The following BEAN1 variants were observed in gnomAD, a reference collection of about 807,000 sequenced individuals.
The protein encoded by BEAN1 is protein BEAN1.
A neutral mutation model predicts 17.7 loss-of-function variants in BEAN1; 17 were observed. That is an observed-to-expected ratio of 0.96 (90% confidence interval 0.66 to 1.44). BEAN1 has a LOEUF of 1.44. Among genes scored for constraint, BEAN1 ranks in the 40% most tolerant of loss-of-function variants. BEAN1 has a pLI of 0.00. For missense variants in BEAN1, 359 were observed against 374.1 expected (o/e 0.96, Z 0.33); for synonymous variants, 142 against 151.8 (o/e 0.94, Z 0.47).
chr16:66,477,541 G>C lies in BEAN1; in HGVS notation c.290-19G>C, dbSNP rs770120139. 1 of 1,520,280 alleles carries C rather than the reference G, an allele frequency of 6.6e-7. No individual in the cohort carries two copies. The highest frequency in any genetic ancestry group is 1.4e-5 in the African/African-American group (1 of 72,300). 94.2% of individuals were successfully genotyped at this position (1,520,280 alleles called of 1,614,324 possible). ...TGGATCCTGGTCTGAGGCCCAGGCC[G>C]GTGGTCTGTTCCCTGCAGTGTCGGA... On this transcript the variant is annotated intron_variant, in intron 3 of 4. Transcript: ENST00000536005.
At chr16:66,469,897 C>T in intron 3 of BEAN1, 32 bp downstream of exon 3, 1 of 1,525,926 alleles carries the variant, frequency 6.6e-7, no homozygotes, top group Non-Finnish European at 8.8e-7. Context: ...GGCCCTGGGA[C>T]CTCATCTGAC....
chr16:66,460,080 C>G (rs1219249266), intron 2 of BEAN1, among the ~76,000 whole-genome samples: 2 of 152,234 alleles, frequency 1.3e-5, no homozygotes, highest in Admixed American at 6.5e-5. Context: ...TGAGCTTCCT[C>G]TCTGCACTGG....
In BEAN1 at chr16:66,471,458, G is replaced by A. The variant is rs1963480052; in HGVS notation, c.289+1593G>A. On this transcript the variant is annotated intron_variant, in intron 3 of 4. Transcript: ENST00000536005. The surrounding 1 kb of genome is among the most constrained non-coding windows in gnomAD (Gnocchi z 4.7). The stretch of plus-strand genomic sequence containing the variant: ...CCAGGAAGGGAGCTGGAGGTGTCGG[G>A]GAGACGCCCCTGGGAGCCGCCCCGT... 6.6e-6 allele frequency among the ~76,000 whole-genome samples: 1 copy of A among 152,232 alleles called. No homozygotes were observed. The highest frequency in any genetic ancestry group is 2.4e-5 in the African/African-American group (1 of 41,464).
Position 66,480,087 on chromosome 16 carries a change from C to A in BEAN1, c.441-499C>A, listed in dbSNP as rs548249677. Among the ~76,000 whole-genome samples the A allele has an allele frequency of 1.1e-3, 166 of 152,268 alleles. 2 individuals carry two copies. The highest frequency in any genetic ancestry group is 1.9e-4 in the Non-Finnish European group (13 of 68,004). On this transcript the variant is annotated intron_variant, in intron 4 of 4. Transcript: ENST00000536005. ...TCCACCTTCACCCCTGCCCCAGGGGCTCGAGCAGGGGTGGTGCTGCCAGTC... is the reference window on the plus strand; with the variant it reads ...TCCACCTTCACCCCTGCCCCAGGGGATCGAGCAGGGGTGGTGCTGCCAGTC...
chr16:66,479,128 T>A (rs1963884012), intron 4 of BEAN1: 1 of 152,222 alleles, frequency 6.6e-6, no homozygotes, highest in Non-Finnish European at 1.5e-5. Context: ...CTTCCTGGGT[T>A]TTCCTGGGAA....
chr16:66,493,381 G>A (rs1348966746), exon 5 of BEAN1: 1 of 643,566 alleles, frequency 1.6e-6, no homozygotes, highest in African/African-American at 1.8e-5. Flanking sequence ...CCATGGCTCT[G>A]AGCCCATCTG....
At chr16:66,475,782 C>T (rs1963712574) in intron 3 of BEAN1, 1 of 152,016 alleles carries the variant, frequency 6.6e-6, no homozygotes, top group Admixed American at 6.6e-5. Context: ...TATAGAAAAC[C>T]TTAAAAATAT....
At chr16:66,458,787 C>T (rs1008832299) in intron 2 of BEAN1, among the ~76,000 whole-genome samples, 4 of 152,224 alleles carry the variant, frequency 2.6e-5, no homozygotes, top group African/African-American at 9.6e-5. Context: ...AAGCCCCAGA[C>T]TCACTCCCAC....
chr16:66,477,873 A>G, intron 4 of BEAN1, 163 bp downstream of exon 4: 1 of 736,244 alleles, frequency 1.4e-6, no homozygotes, highest in Non-Finnish European at 2.0e-6. Flanking sequence ...CTGACCAAGT[A>G]GGTCCCACTG....
intron 1 of BEAN1, among the ~76,000 whole-genome samples, chr16:66,432,499 T>G (rs975197411): frequency 6.6e-6 from 1 of 152,236 alleles, no homozygotes; most frequent in African/African-American, 2.4e-5. Flanking sequence ...CTTCTGGCTC[T>G]AGACAATCAC....
chr16:66,480,796 G>A lies in BEAN1; in HGVS notation c.651G>A (p.Glu217=). The A allele has an allele frequency of 1.3e-6, 2 of 1,549,368 alleles. No homozygotes were observed. Among genetic ancestry groups the A allele is most frequent in the Non-Finnish European group, 1.7e-6 (2 of 1,146,036 alleles). The part of the protein sequence containing the change: ...TVSMDTLPPY[E]AVCGAGPPSG... ...CCATGGACACCCTTCCCCCCTACGA[G>A]GCTGTGTGCGGGGCTGGCCCCCCAT... is the stretch of plus-strand genomic sequence containing the variant. Residue 217 remains glutamate (E), a synonymous_variant, in exon 5 of 5, where the codon GAG becomes GAA. Coordinates refer to ENST00000536005, the MANE Select transcript of BEAN1 (RefSeq NM_001178020.3).
chr16:66,459,473 C>T (rs535455898), intron 2 of BEAN1, among the ~76,000 whole-genome samples: 1 of 152,142 alleles, frequency 6.6e-6, no homozygotes, highest in Non-Finnish European at 1.5e-5. Flanking sequence ...GCACCTGCCA[C>T]CATGCAAGGC....
chr16:66,477,279 C>T (rs766247844), intron 3 of BEAN1, among the ~76,000 whole-genome samples: 53 of 152,224 alleles, frequency 3.5e-4, no homozygotes, highest in Non-Finnish European at 7.3e-4. Flanking sequence ...TCATGACACA[C>T]TGCCTAGTGC....
rs576455409 is a variant in BEAN1 at position 66,447,972 on chromosome 16, A to G, written c.25+10271A>G. Among the ~76,000 whole-genome samples the G allele has an allele frequency of 5.9e-5, 9 of 152,356 alleles. No homozygotes were observed. In the South Asian group the frequency reaches 1.9e-3, roughly 32 times the overall value. On this transcript the variant is annotated intron_variant, in intron 2 of 4. Transcript: ENST00000536005. ...GCTGCTCTGTTCTCAGTGAAGATGC[A>G]GAGGAGAAGCCCTCTTTGGAAAGTA...
At chr16:66,445,507 A>G (rs1293515773) in intron 2 of BEAN1, among the ~76,000 whole-genome samples, 1 of 130,584 alleles carries the variant, frequency 7.7e-6, no homozygotes, top group East Asian at 2.1e-4. Flanking sequence ...AAAAAAAAAA[A>G]AAAAAAAAGC....
chr16:66,493,622 G>A (rs57581298), downstream of BEAN1: 4,060 of 523,432 alleles, frequency 7.8e-3, 143 homozygotes, highest in African/African-American at 0.07. Context: ...GGTGGTCACC[G>A]CCTCAGGGTG....
intron 2 of BEAN1, among the ~76,000 whole-genome samples, chr16:66,461,032 G>A (rs926290710): frequency 1.3e-5 from 2 of 152,118 alleles, no homozygotes; most frequent in Non-Finnish European, 2.9e-5. Flanking sequence ...GCTGGCATTG[G>A]GGGGGAGGTG....
At chr16:66,488,518 CAAAAAA>C (rs35976761) in intron 4 of BEAN1, among the ~76,000 whole-genome samples, 2 of 49,242 alleles carry the variant, frequency 4.1e-5, no homozygotes, top group African/African-American at 7.2e-5. Context: ...TTATCACTAC[CAAAAAA>C]AAAAAAAAAA....
intron 2 of BEAN1, among the ~76,000 whole-genome samples, chr16:66,463,598 C>T (rs527791010): frequency 6.6e-6 from 1 of 152,344 alleles, no homozygotes; most frequent in Non-Finnish European, 1.5e-5. Flanking sequence ...ACTGTCTCTT[C>T]ACTTTCTTGA....
Sources: gnomAD v4.1 joint callset for allele counts (sites outside exome capture counted in the v4.1 genomes callset) on GRCh38, gnomAD v4.1.1 for gene constraint, Gnocchi (gnomAD v3.1) non-coding constraint, MANE v1.5 for transcripts, NCBI Gene and HGNC (gene_info 2026-07-23, HGNC 2026-07-21) for gene names.